The following PASD1 variants were observed in gnomAD, a reference collection of about 807,000 sequenced individuals.
The protein encoded by PASD1 is circadian clock protein PASD1.
PASD1 carries 13 observed loss-of-function variants against 58.8 expected under a neutral mutation model. The observed-to-expected ratio is 0.22, with a 90% CI of 0.14 to 0.35. The LOEUF (loss-of-function observed/expected upper bound fraction) is 0.35. Ranked by LOEUF, PASD1 falls within the 10% of genes least tolerant of loss-of-function variation. The probability of loss-of-function intolerance (pLI) is 1.00; values close to 1 mark genes in which losing one functional copy is unlikely to be tolerated. For missense variants in PASD1, 734 were observed against 568.3 expected (o/e 1.29, Z -2.96); for synonymous variants, 236 against 216.7 (o/e 1.09, Z -0.78).
chrX:151,636,760 A>G (rs990976055), intron 8 of PASD1, among the ~76,000 whole-genome samples: 7 of 111,044 alleles, frequency 6.3e-5, no homozygotes, highest in African/African-American at 2.3e-4. Context: ...ATTGTGCAGT[A>G]AATTTTTTTT....
intron 1 of PASD1, among the ~76,000 whole-genome samples, chrX:151,565,558 C>CTTTT (rs745371329): frequency 1.2e-5 from 1 of 84,128 alleles, no homozygotes; most frequent in Non-Finnish European, 2.3e-5. Context: ...TTTTTCCTTA[C>CTTTT]TTTTTTTTTT....
chrX:151,675,723 G>A (rs1411877649), intron 15 of PASD1, among the ~76,000 whole-genome samples: 1 of 111,944 alleles, frequency 8.9e-6, no homozygotes, highest in African/African-American at 3.3e-5. Flanking sequence ...GGACAAGAGA[G>A]GGCCAGACAC....
intron 9 of PASD1, among the ~76,000 whole-genome samples, chrX:151,654,784 A>G (rs1602957534): frequency 9.0e-6 from 1 of 111,293 alleles, no homozygotes; most frequent in Non-Finnish European, 1.9e-5. Context: ...GGTGGCAGGT[A>G]AATAAGAGAT....
intron 4 of PASD1, among the ~76,000 whole-genome samples, chrX:151,612,131 C>T (rs2124262244): frequency 1.0e-5 from 1 of 95,576 alleles, no homozygotes; most frequent in East Asian, 3.1e-4. Flanking sequence ...ATCCATGTCC[C>T]TACAAAGGAC....
intron 5 of PASD1, 133 bp from the exon 6 acceptor site, chrX:151,621,349 T>C (rs2013705953): frequency 2.0e-6 from 1 of 510,612 alleles, no homozygotes; most frequent in Non-Finnish European, 3.2e-6. Context: ...ATGTAAGTGC[T>C]AATGTTCGTG....
chrX:151,642,021 A>G, intron 8 of PASD1, among the ~76,000 whole-genome samples: 1 of 112,413 alleles, frequency 8.9e-6, no homozygotes, highest in East Asian at 2.8e-4. Context: ...TGTGACTAAA[A>G]GTTAATTTCT....
In PASD1 at chrX:151,640,131, A is replaced by G. The variant is rs748356364; in HGVS notation, c.630-8484A>G. Among the ~76,000 whole-genome samples, 129 of 111,898 alleles carry G rather than the reference A, an allele frequency of 1.2e-3. 1 individual carries two copies. The highest frequency in any genetic ancestry group is 4.6e-3 in the Middle Eastern group (1 of 218). ...TGACTGAGACAGTTACAAAAATAGG[A>G]AGACTCAGATGCCAAATAAAACATG... On this transcript the variant is annotated intron_variant, in intron 8 of 15. Transcript: ENST00000370357.
intron 1 of PASD1, among the ~76,000 whole-genome samples, chrX:151,591,088 A>C (rs2013240448): frequency 9.0e-6 from 1 of 111,489 alleles, no homozygotes; most frequent in South Asian, 3.8e-4. Flanking sequence ...CTTGAGCTGT[A>C]AGTCTGATAT....
chrX:151,652,216 A>G (rs2014136581), intron 9 of PASD1, among the ~76,000 whole-genome samples: 1 of 111,904 alleles, frequency 8.9e-6, no homozygotes, highest in African/African-American at 3.2e-5. Flanking sequence ...AAAATATTAA[A>G]TAAAGAAATC....
rs2014492404 is a variant in PASD1 at position 151,672,546 on chromosome X, C to G, written c.1801C>G (p.Pro601Ala). ...RDVSVPLCNHPVRFLQAQPIV... is the reference protein window; with the variant it reads ...RDVSVPLCNHAVRFLQAQPIV... ...CGTATCTGTGCCCCTCTGCAATCAC[C>G]CTGTTAGATTTTTACAGGCCCAACC... The change falls in exon 14 of 16, where the codon CCT (proline) becomes GCT (alanine). Residue 601 changes from proline (P) to alanine (A), a missense_variant. Transcript: ENST00000370357. The G allele has an allele frequency of 8.3e-7, 1 of 1,210,192 alleles. No individual in the cohort carries two copies. The highest frequency in any genetic ancestry group is 1.7e-5 in the African/African-American group (1 of 57,178).
chrX:151,670,059 A>G (rs1260444196), intron 11 of PASD1, among the ~76,000 whole-genome samples: 1 of 111,521 alleles, frequency 9.0e-6, no homozygotes, highest in East Asian at 2.8e-4. Context: ...AGCATTTGTT[A>G]TTTTCTTAAT....
In PASD1 at chrX:151,672,369, A is replaced by G. The variant is rs1360583004; in HGVS notation, c.1624A>G (p.Lys542Glu). 2 of 1,201,798 alleles carry G rather than the reference A, an allele frequency of 1.7e-6. No individual in the cohort carries two copies. Among genetic ancestry groups the G allele is most frequent in the Admixed American group, 4.5e-5 (2 of 44,458 alleles). ...LQEQRRQKKKKLQERKKWQGQ... is the reference protein window; with the variant it reads ...LQEQRRQKKKELQERKKWQGQ... ...GGAGCAGAGGCGGCAAAAGAAGAAG[A>G]AGCTACAGGAGCGGAAGAAGTGGCA... The change falls in exon 14 of 16, where the codon AAG becomes GAG. Residue 542 changes from lysine to glutamate, a missense_variant. Transcript: ENST00000370357.
At chrX:151,616,849 G>A (rs2013643538) in intron 4 of PASD1, among the ~76,000 whole-genome samples, 2 of 111,237 alleles carry the variant, frequency 1.8e-5, no homozygotes, top group African/African-American at 6.5e-5. Context: ...ATTTAGTAGT[G>A]ATGAGTCTCA....
At chrX:151,636,826 A>G (rs759456785) in intron 8 of PASD1, among the ~76,000 whole-genome samples, 20 of 111,669 alleles carry the variant, frequency 1.8e-4, no homozygotes, top group African/African-American at 6.5e-4. Flanking sequence ...TCATTCAACC[A>G]CCACCATAAT....
In PASD1 at chrX:151,676,083, A is replaced by G. The variant is rs369360960; in HGVS notation, c.2262A>G (p.Arg754=). 1 of 1,210,792 alleles carries G rather than the reference A, an allele frequency of 8.3e-7. No homozygotes were observed. Residue 754 remains arginine (R), a synonymous_variant, in exon 16 of 16, where the codon AGA becomes AGG. Transcript: ENST00000370357. Reference sequence around the variant, plus strand: ...CTGCATACCAGCCAGACCAGATGAGATCTGCGGAGCAGACCAGATTGATGC... The same window carrying G: ...CTGCATACCAGCCAGACCAGATGAGGTCTGCGGAGCAGACCAGATTGATGC... The part of the protein sequence containing the change: ...GPAAYQPDQM[R]SAEQTRLMPA...
chrX:151,670,039 C>A (rs761762398), intron 11 of PASD1, among the ~76,000 whole-genome samples: 88 of 112,179 alleles, frequency 7.8e-4, no homozygotes, highest in African/African-American at 2.5e-3. Flanking sequence ...TCTTTTTCCA[C>A]ATCCTCACCA....
chrX:151,572,843 A>G lies in PASD1; in HGVS notation c.-28+9004A>G, dbSNP rs1034548790. Among the ~76,000 whole-genome samples, 3 of 107,547 alleles carry G rather than the reference A, an allele frequency of 2.8e-5. No individual in the cohort carries two copies. The Admixed American group carries it at 3.1e-4, about 11-fold the overall frequency. The allele number at this position is 107,547 out of a possible 115,157, so 93.4% of individuals were successfully genotyped here. On this transcript the variant is annotated intron_variant, in intron 1 of 15. Coordinates refer to ENST00000370357, the MANE Select transcript of PASD1 (RefSeq NM_173493.3). ...TTCGTTCTTGCATTGCTACAAAGAA[A>G]TGCCTGAGACTGGGTAATTTATAAA...
chrX:151,671,743 T>C lies in PASD1; in HGVS notation c.1401T>C (p.Thr467=), dbSNP rs1484509366. ...CTTTATCCAACTCTCTCAAAAACACTGGGGAGCTTCAGGAGCCTTGTGTTG... is the reference window on the plus strand; with the variant it reads ...CTTTATCCAACTCTCTCAAAAACACCGGGGAGCTTCAGGAGCCTTGTGTTG... ...GLSLSNSLKN[T]GELQEPCVAF... The change falls in exon 13 of 16, where the codon ACT becomes ACC. Residue 467 remains threonine, a synonymous_variant. Transcript: ENST00000370357. 1 of 1,209,969 alleles carries C rather than the reference T, an allele frequency of 8.3e-7. No homozygotes were observed. The highest frequency in any genetic ancestry group is 2.2e-5 in the Admixed American group (1 of 46,055).
intron 1 of PASD1, among the ~76,000 whole-genome samples, chrX:151,597,470 G>A (rs1002360963): frequency 2.7e-5 from 3 of 111,704 alleles, no homozygotes; most frequent in East Asian, 5.6e-4. Context: ...TGGGTATAAC[G>A]TTGATCATAC....
Sources: allele counts gnomAD v4.1 joint callset (sites outside exome capture counted in the v4.1 genomes callset), GRCh38; gene constraint gnomAD v4.1.1; transcripts MANE v1.5; gene names NCBI Gene and HGNC (gene_info 2026-07-23, HGNC 2026-07-21).